NFIL3: variants seen among roughly 807,000 people sequenced by gnomAD.
NFIL3 encodes the protein nuclear factor interleukin-3-regulated protein.
In NFIL3, 5 loss-of-function variants were observed where a neutral mutation model predicts 10.0. The ratio of observed to expected loss-of-function variants is 0.50; its 90% confidence interval spans 0.26 to 1.06. The LOEUF (loss-of-function observed/expected upper bound fraction) is 1.06. NFIL3 is among the 50% of genes least tolerant of loss of function. The pLI is 0.13. For missense variants in NFIL3, 436 were observed against 547.6 expected, an observed-to-expected ratio of 0.80 and a Z score of 2.03; for synonymous variants, 202 against 206.5, an observed-to-expected ratio of 0.98 and a Z score of 0.19.
chr9:91,437,977 C>T, the NFIL3 span, among the ~76,000 whole-genome samples: 1 of 152,172 alleles, frequency 6.6e-6, no homozygotes, highest in African/African-American at 2.4e-5. Context: ...CACGGGCGTG[C>T]ACATACCTTT....
the NFIL3 span, among the ~76,000 whole-genome samples, chr9:91,473,797 C>T: frequency 5.9e-5 from 9 of 152,238 alleles, no homozygotes; most frequent in African/African-American, 9.6e-5. Flanking sequence ...GCATCGATTA[C>T]GCTGGGAGCT....
the NFIL3 span, among the ~76,000 whole-genome samples, chr9:91,479,662 T>C: frequency 2.5e-4 from 38 of 152,136 alleles, no homozygotes; most frequent in Non-Finnish European, 1.9e-4. Context: ...AACAGTTCTG[T>C]CTTGCTGGCG....
chr9:91,417,851 T>C (rs1213701877), intron 1 of NFIL3, among the ~76,000 whole-genome samples: 1 of 152,160 alleles, frequency 6.6e-6, no homozygotes, highest in Non-Finnish European at 1.5e-5. Flanking sequence ...ATCTATTCTA[T>C]CATAGCAACA....
chr9:91,427,649 T>G (rs866989559), upstream of NFIL3, among the ~76,000 whole-genome samples: 29 of 148,074 alleles, frequency 2.0e-4, no homozygotes, highest in Middle Eastern at 3.4e-3. Context: ...TGTTGTTGTT[T>G]TTGTTTTTGA....
At chr9:91,482,243 G>A in the NFIL3 span, among the ~76,000 whole-genome samples, 3 of 151,700 alleles carry the variant, frequency 2.0e-5, no homozygotes, top group African/African-American at 7.2e-5. Context: ...CAAGAAGTGT[G>A]AAAGGCAATC....
the NFIL3 span, among the ~76,000 whole-genome samples, chr9:91,466,976 G>T: frequency 2.0e-5 from 3 of 152,144 alleles, no homozygotes; most frequent in Non-Finnish European, 4.4e-5. Flanking sequence ...GACTTTAAAA[G>T]AAAAAAGAAT....
the NFIL3 span, among the ~76,000 whole-genome samples, chr9:91,444,148 A>G: frequency 2.0e-5 from 3 of 151,442 alleles, no homozygotes; most frequent in Admixed American, 1.3e-4. Flanking sequence ...TGATTGATTC[A>G]TTTCAAACAG....
chr9:91,410,015 T>C lies in NFIL3; in HGVS notation c.720A>G (p.Thr240=), dbSNP rs747135819. The C allele has an allele frequency of 3.7e-6, 6 of 1,612,882 alleles. No individual in the cohort carries two copies. In the African/African-American group the frequency reaches 6.7e-5, roughly 18 times the overall value. The change falls in exon 2 of 2, where the codon ACA becomes ACG. Residue 240 remains threonine (T), a synonymous_variant. Coordinates refer to ENST00000297689, the MANE Select transcript of NFIL3 (RefSeq NM_005384.3). The surrounding 1 kb of genome is among the most constrained non-coding windows in gnomAD (Gnocchi z 5.7). ...CCATATAGTTTTGATAGATGGACGC[T>C]GTGTAAGAGCCTCGGTCATCTCTTG... ...REPRDDRGSY[T]ASIYQNYMGN... is the part of the protein sequence containing the mutation.
chr9:91,481,771 TAA>T, the NFIL3 span, among the ~76,000 whole-genome samples: 1 of 152,038 alleles, frequency 6.6e-6, no homozygotes, highest in Non-Finnish European at 1.5e-5. Context: ...ATGTGACAAA[TAA>T]AGAGTTAACA....
the NFIL3 span, among the ~76,000 whole-genome samples, chr9:91,461,683 G>A: frequency 1.3e-5 from 2 of 152,128 alleles, no homozygotes; most frequent in African/African-American, 2.4e-5. Context: ...TCTCCTCTGT[G>A]TCTGAGTCCT....
chr9:91,472,136 A>AT, the NFIL3 span, among the ~76,000 whole-genome samples: 1 of 151,912 alleles, frequency 6.6e-6, no homozygotes, highest in African/African-American at 2.4e-5. Context: ...TGCCCTTAAC[A>AT]TTTTTTCCTT....
At chr9:91,470,199 C>G in the NFIL3 span, among the ~76,000 whole-genome samples, 2 of 151,864 alleles carry the variant, frequency 1.3e-5, no homozygotes, top group Admixed American at 6.6e-5. Flanking sequence ...ATTATTGCCT[C>G]AATTTCAGAG....
At chr9:91,424,237 C>G (rs778620798), upstream of NFIL3, among the ~76,000 whole-genome samples, 11 of 152,112 alleles carry the variant, frequency 7.2e-5, no homozygotes, top group Non-Finnish European at 1.5e-4. Context: ...GCCGCGGTGG[C>G]TCTGCGCTCC....
In NFIL3 at chr9:91,410,307, T is replaced by G; in HGVS notation, c.428A>C (p.Asn143Thr). The G allele has an allele frequency of 1.2e-6, 2 of 1,614,202 alleles. No homozygotes were observed. The highest frequency in any genetic ancestry group is 8.5e-7 in the Non-Finnish European group (1 of 1,180,028). Residue 143 changes from asparagine to threonine, a missense_variant, in exon 2 of 2, where the codon AAT becomes ACT. Asn to Thr is a moderately conservative substitution (Grantham distance 65). Transcript: ENST00000297689. The surrounding 1 kb of genome is among the most constrained non-coding windows in gnomAD (Gnocchi z 5.7). Reference protein sequence around the residue: ...AYAQEIQKLSNSTAVYFQDYQ... With the variant: ...AYAQEIQKLSTSTAVYFQDYQ... ...ATCTTGAAAGTACACAGCTGTAGAATTACTGAGTTTCTGAATCTCTTGAGC... is the reference window on the plus strand; with the variant it reads ...ATCTTGAAAGTACACAGCTGTAGAAGTACTGAGTTTCTGAATCTCTTGAGC...
intron 1 of NFIL3, among the ~76,000 whole-genome samples, chr9:91,421,351 C>T (rs938272274): frequency 6.6e-6 from 1 of 151,926 alleles, no homozygotes; most frequent in Admixed American, 6.6e-5. Context: ...GCCGCGCCCC[C>T]ACGCGGCGCC....
chr9:91,448,253 A>T, the NFIL3 span, among the ~76,000 whole-genome samples: 1 of 152,014 alleles, frequency 6.6e-6, no homozygotes, highest in African/African-American at 2.4e-5. Flanking sequence ...AACTTACTTT[A>T]AAAAAAGGTG....
At chr9:91,445,708 C>A in the NFIL3 span, among the ~76,000 whole-genome samples, 1 of 152,080 alleles carries the variant, frequency 6.6e-6, no homozygotes. Flanking sequence ...GAAAGCAGGG[C>A]ACTACCTCAG....
chr9:91,455,667 T>C, the NFIL3 span, among the ~76,000 whole-genome samples: 7 of 152,196 alleles, frequency 4.6e-5, no homozygotes, highest in African/African-American at 1.7e-4. Flanking sequence ...AATTGAATAA[T>C]TGGTACATGA....
At chr9:91,463,697 A>G in the NFIL3 span, among the ~76,000 whole-genome samples, 1 of 152,176 alleles carries the variant, frequency 6.6e-6, no homozygotes, top group Non-Finnish European at 1.5e-5. Flanking sequence ...AGTGACACTC[A>G]GGTTGTCTAT....
Sources: allele counts gnomAD v4.1 joint callset (sites outside exome capture counted in the v4.1 genomes callset), GRCh38; gene constraint gnomAD v4.1.1; non-coding constraint Gnocchi (gnomAD v3.1); transcripts MANE v1.5; gene names NCBI Gene and HGNC (gene_info 2026-07-23, HGNC 2026-07-21).